Variants in ZFPM2 observed in about 807,000 individuals in gnomAD.
ZFPM2 encodes the protein zinc finger protein, FOG family member 2, also known as zinc finger protein ZFPM2.
In ZFPM2, 20 loss-of-function variants were observed where a neutral mutation model predicts 98.6. The observed-to-expected ratio is 0.20, with a 90% CI of 0.14 to 0.29. ZFPM2 has a LOEUF of 0.29. Ranked by LOEUF, ZFPM2 falls within the 10% of genes least tolerant of loss-of-function variation. ZFPM2 has a pLI of 1.00. For synonymous variants in ZFPM2, 518 were observed against 502.7 expected (o/e 1.03, Z -0.41); for missense variants, 1,310 against 1,388.6 (o/e 0.94, Z 0.90).
chr8:105,523,414 G>C (rs1814104818), intron 3 of ZFPM2, among the ~76,000 whole-genome samples: 1 of 152,192 alleles, frequency 6.6e-6, no homozygotes, highest in Non-Finnish European at 1.5e-5. Context: ...TCCATACTGT[G>C]TTAGCAATTC....
At chr8:105,353,439 T>G (rs1407469369) in intron 1 of ZFPM2, among the ~76,000 whole-genome samples, 1 of 152,168 alleles carries the variant, frequency 6.6e-6, no homozygotes, top group Non-Finnish European at 1.5e-5. Context: ...GGCAAGGATT[T>G]TTGTTGTTGT....
intron 3 of ZFPM2, among the ~76,000 whole-genome samples, chr8:105,485,164 G>C (rs1279782860): frequency 6.6e-6 from 1 of 152,166 alleles, no homozygotes; most frequent in African/African-American, 2.4e-5. Flanking sequence ...GTGGGCCTAA[G>C]CCTTAATCAT....
At chr8:105,365,648 A>G (rs1810491524) in intron 1 of ZFPM2, among the ~76,000 whole-genome samples, 1 of 152,174 alleles carries the variant, frequency 6.6e-6, no homozygotes, top group East Asian at 1.9e-4. Context: ...TTAGCAAAAT[A>G]TAATGTGGAA....
chr8:105,748,637 A>G (rs778437812), intron 5 of ZFPM2, among the ~76,000 whole-genome samples: 1 of 151,986 alleles, frequency 6.6e-6, no homozygotes, highest in African/African-American at 2.4e-5. Context: ...GCTCACCTCA[A>G]TGAATAGGGT....
At chr8:105,765,637 C>T (rs1812838816) in intron 5 of ZFPM2, among the ~76,000 whole-genome samples, 1 of 151,744 alleles carries the variant, frequency 6.6e-6, no homozygotes, top group South Asian at 2.1e-4. Flanking sequence ...CAGCATAATT[C>T]GTTTTTGAGA....
chr8:105,597,134 A>T (rs1815988143), intron 4 of ZFPM2, among the ~76,000 whole-genome samples: 1 of 151,974 alleles, frequency 6.6e-6, no homozygotes, highest in Admixed American at 6.6e-5. Context: ...TTATTAATAG[A>T]TGTTGAATTT....
chr8:105,685,807 A>G (rs976241660), intron 5 of ZFPM2: 2 of 152,148 alleles, frequency 1.3e-5, no homozygotes, highest in African/African-American at 4.8e-5. Context: ...GTTAAAAATC[A>G]AAGGGATATT....
intron 5 of ZFPM2, chr8:105,782,349 G>C (rs967487421): frequency 2.0e-5 from 3 of 152,184 alleles, no homozygotes; most frequent in Non-Finnish European, 2.9e-5. Flanking sequence ...CAGTAATAAC[G>C]AAGTCAGGAC....
At chr8:105,735,029 T>G (rs1408904182) in intron 5 of ZFPM2, among the ~76,000 whole-genome samples, 1 of 149,416 alleles carries the variant, frequency 6.7e-6, no homozygotes, top group African/African-American at 2.4e-5. Context: ...TGAAAGTTAT[T>G]GCAGTTTTGC....
intron 1 of ZFPM2, among the ~76,000 whole-genome samples, chr8:105,321,095 A>G (rs958025557): frequency 2.0e-5 from 3 of 152,162 alleles, no homozygotes; most frequent in Non-Finnish European, 4.4e-5. Context: ...TTGAATTTCT[A>G]TACTGGAGTA....
At chr8:105,390,348 A>T (rs1811082623) in intron 1 of ZFPM2, among the ~76,000 whole-genome samples, 1 of 152,216 alleles carries the variant, frequency 6.6e-6, no homozygotes. Context: ...AACAATAAAA[A>T]AGCAGAACCT....
intron 3 of ZFPM2, among the ~76,000 whole-genome samples, chr8:105,466,674 T>C (rs934714382): frequency 4.6e-5 from 7 of 152,120 alleles, no homozygotes; most frequent in Admixed American, 2.0e-4. Flanking sequence ...GAAAGTTTAA[T>C]TGTTTTGTTT....
chr8:105,496,493 G>A (rs553196168), intron 3 of ZFPM2, among the ~76,000 whole-genome samples: 1 of 152,126 alleles, frequency 6.6e-6, no homozygotes, highest in African/African-American at 2.4e-5. Flanking sequence ...TTTGGGGCAA[G>A]AATAAAACAA....
chr8:105,569,423 C>T (rs186574580), intron 4 of ZFPM2, among the ~76,000 whole-genome samples: 3 of 152,276 alleles, frequency 2.0e-5, no homozygotes, highest in African/African-American at 7.2e-5. Context: ...GCTTCATCTG[C>T]CTAACTCAGC....
intron 4 of ZFPM2, among the ~76,000 whole-genome samples, chr8:105,574,941 A>G (rs368316351): frequency 2.2e-4 from 22 of 99,868 alleles, no homozygotes; most frequent in South Asian, 9.2e-4. Context: ...CTCCTATAGG[A>G]AAAAAAAAAA....
chr8:105,535,180 G>C (rs1372786736), intron 3 of ZFPM2, among the ~76,000 whole-genome samples: 1 of 152,132 alleles, frequency 6.6e-6, no homozygotes, highest in Non-Finnish European at 1.5e-5. Context: ...TTACGATCCA[G>C]ATTTCCATAG....
chr8:105,627,929 A>G (rs73293510), intron 4 of ZFPM2, among the ~76,000 whole-genome samples: 3,845 of 152,346 alleles, frequency 0.025, 118 homozygotes, highest in African/African-American at 0.07. Flanking sequence ...TCAGTTAGAT[A>G]ATAAAAAGTT....
At chr8:105,456,275 A>AT (rs776213679) in intron 3 of ZFPM2, among the ~76,000 whole-genome samples, 1 of 150,256 alleles carries the variant, frequency 6.7e-6, no homozygotes, top group Non-Finnish European at 1.5e-5. Flanking sequence ...GATATTAGTG[A>AT]TTTTATCTAG....
intron 4 of ZFPM2, among the ~76,000 whole-genome samples, chr8:105,629,773 C>T (rs1816723061): frequency 6.6e-6 from 1 of 152,148 alleles, no homozygotes; most frequent in African/African-American, 2.4e-5. Context: ...TTAGACACCA[C>T]TACATTCTTT....
Sources: allele counts gnomAD v4.1 joint callset (sites outside exome capture counted in the v4.1 genomes callset), GRCh38; gene constraint gnomAD v4.1.1; transcripts MANE v1.5; gene names NCBI Gene and HGNC (gene_info 2026-07-23, HGNC 2026-07-21).